CTNNA3: variants seen among roughly 807,000 people sequenced by gnomAD.
CTNNA3 encodes catenin alpha 3.
Under a neutral mutation model 95.7 loss-of-function variants are expected in CTNNA3, and 76 were observed. The ratio of observed to expected loss-of-function variants is 0.79; its 90% confidence interval spans 0.66 to 0.96. The LOEUF (loss-of-function observed/expected upper bound fraction) is 0.96, where lower values mean the gene tolerates loss of function less well. CTNNA3 is among the 40% of genes least tolerant of loss of function. CTNNA3 has a pLI of 0.00. For missense variants in CTNNA3, 1,191 were observed against 1,089.8 expected (o/e 1.09, Z -1.31); for synonymous variants, 431 against 374.4 (o/e 1.15, Z -1.74).
intron 9 of CTNNA3, among the ~76,000 whole-genome samples, chr10:66,706,330 A>T (rs183695228): frequency 8.2e-4 from 121 of 147,936 alleles, no homozygotes; most frequent in Non-Finnish European, 1.3e-3. Context: ...CAATTAATCT[A>T]CTCATTGTTG....
intron 10 of CTNNA3, among the ~76,000 whole-genome samples, chr10:66,603,892 G>C (rs1287185085): frequency 6.6e-6 from 1 of 152,040 alleles, no homozygotes; most frequent in East Asian, 1.9e-4. Flanking sequence ...AAGAATAAGA[G>C]TAGATTCCCA....
chr10:66,656,679 G>GGGTCTTTTTGT (rs1846083527), intron 9 of CTNNA3, among the ~76,000 whole-genome samples: 1 of 151,966 alleles, frequency 6.6e-6, no homozygotes, highest in African/African-American at 2.4e-5. Context: ...GAAGCACTTG[G>GGGTCTTTTTGT]ATCCATGTCA....
At chr10:66,346,234 TATATATATATATAGAG>T (rs1248896790) in intron 12 of CTNNA3, among the ~76,000 whole-genome samples, 962 of 45,878 alleles carry the variant, frequency 0.021, 4 homozygotes, top group East Asian at 0.045. Flanking sequence ...TATATATATA[TATATATATATATAGAG>T]AGAGAGAGAG....
At chr10:66,665,734 C>T (rs1287098016) in intron 9 of CTNNA3, among the ~76,000 whole-genome samples, 2 of 152,168 alleles carry the variant, frequency 1.3e-5, no homozygotes, top group Non-Finnish European at 2.9e-5. Flanking sequence ...ATGACAGTGT[C>T]AGAAATTCCT....
chr10:66,379,035 G>C lies in CTNNA3; in HGVS notation c.1732+117C>G, dbSNP rs531154374. ...AACCAAAGTGTGCAAGCACTGTATA[G>C]CAATGTATGTCAAAAGAAGCAACAC... On this transcript the variant is annotated intron_variant, in intron 12 of 17. Coordinates refer to ENST00000433211, the MANE Select transcript of CTNNA3 (RefSeq NM_013266.4). 2.0e-4 allele frequency: 164 copies of C among 822,786 alleles called. 2 individuals are homozygous for C. The African/African-American group carries it at 2.6e-3, about 13-fold the overall frequency. 51.0% of individuals were successfully genotyped at this position (822,786 alleles called of 1,614,324 possible).
At chr10:66,194,639 T>C (rs528614465) in intron 13 of CTNNA3, among the ~76,000 whole-genome samples, 1 of 152,102 alleles carries the variant, frequency 6.6e-6, no homozygotes, top group African/African-American at 2.4e-5. Flanking sequence ...AATTTACACA[T>C]TACAAGAATT....
At chr10:67,673,829 T>A (rs1840487434) in intron 1 of CTNNA3, among the ~76,000 whole-genome samples, 1 of 140,668 alleles carries the variant, frequency 7.1e-6, no homozygotes, top group African/African-American at 2.6e-5. Context: ...ACCTCTAGAC[T>A]TCTTGTTATG....
chr10:66,365,140 G>A lies in CTNNA3; in HGVS notation c.1732+14012C>T, dbSNP rs75673194. Among the ~76,000 whole-genome samples, 512 of 151,846 alleles carry A rather than the reference G, an allele frequency of 3.4e-3. 19 individuals are homozygous for A. The East Asian group carries it at 0.08, about 24-fold the overall frequency. ...GTAGTCTCTCGGAACCAACCCAAAT[G>A]TCCATCAATGATAGATTGGATTAAG... On this transcript the variant is annotated intron_variant, in intron 12 of 17. Transcript: ENST00000433211.
intron 11 of CTNNA3, among the ~76,000 whole-genome samples, chr10:66,499,125 T>TC (rs1391169918): frequency 6.6e-6 from 1 of 152,150 alleles, no homozygotes; most frequent in Non-Finnish European, 1.5e-5. Flanking sequence ...TTTGCTTGTT[T>TC]CCCCCTACCC....
chr10:66,518,801 A>T (rs898208117), intron 11 of CTNNA3, among the ~76,000 whole-genome samples: 1 of 152,062 alleles, frequency 6.6e-6, no homozygotes, highest in South Asian at 2.1e-4. Flanking sequence ...GAGTAGTGGA[A>T]TCAAAGGCCA....
At chr10:66,348,086 A>C (rs1363031179) in intron 12 of CTNNA3, among the ~76,000 whole-genome samples, 6 of 152,116 alleles carry the variant, frequency 3.9e-5, no homozygotes, top group Non-Finnish European at 7.4e-5. Context: ...TAAGAATACC[A>C]AATCATGAAA....
chr10:67,406,968 C>T (rs2132824500), intron 5 of CTNNA3, among the ~76,000 whole-genome samples: 1 of 152,250 alleles, frequency 6.6e-6, no homozygotes, highest in East Asian at 1.9e-4. Context: ...GATGGATTCA[C>T]CGCTTAACTC....
At chr10:65,931,671 TAA>T (rs1306989625) in intron 17 of CTNNA3, among the ~76,000 whole-genome samples, 1 of 152,206 alleles carries the variant, frequency 6.6e-6, no homozygotes, top group Non-Finnish European at 1.5e-5. Flanking sequence ...CGGGAAATAT[TAA>T]AGAGTTCTGT....
chr10:66,733,635 C>A (rs1306258868), intron 9 of CTNNA3, among the ~76,000 whole-genome samples: 2 of 151,656 alleles, frequency 1.3e-5, no homozygotes, highest in Non-Finnish European at 2.9e-5. Context: ...GCTTACTTAA[C>A]CTCACTCAGG....
intron 5 of CTNNA3, among the ~76,000 whole-genome samples, chr10:67,473,157 A>G (rs1271078184): frequency 6.6e-6 from 1 of 152,252 alleles, no homozygotes; most frequent in African/African-American, 2.4e-5. Context: ...CTATTATTAC[A>G]TGATGAAATG....
intron 13 of CTNNA3, among the ~76,000 whole-genome samples, chr10:66,214,312 G>T (rs182624207): frequency 6.6e-6 from 1 of 152,228 alleles, no homozygotes. Flanking sequence ...CAAGCAGAGG[G>T]TTACATCTCC....
At chr10:67,628,617 CA>C (rs1839036078) in intron 2 of CTNNA3, among the ~76,000 whole-genome samples, 1 of 152,064 alleles carries the variant, frequency 6.6e-6, no homozygotes, top group Admixed American at 6.5e-5. Context: ...TGTCAAATAA[CA>C]AATAATGTTT....
intron 12 of CTNNA3, among the ~76,000 whole-genome samples, chr10:66,307,323 T>C (rs989176319): frequency 9.9e-5 from 15 of 152,204 alleles, no homozygotes; most frequent in African/African-American, 2.4e-4. Context: ...TTTATCATTA[T>C]AGTATCTGGA....
chr10:67,128,574 T>G (rs752365225), intron 7 of CTNNA3, among the ~76,000 whole-genome samples: 4 of 152,186 alleles, frequency 2.6e-5, no homozygotes, highest in Non-Finnish European at 5.9e-5. Context: ...TATTTTCCTT[T>G]TGTTCCTTTA....
Sources: allele counts gnomAD v4.1 joint callset (sites outside exome capture counted in the v4.1 genomes callset), GRCh38; gene constraint gnomAD v4.1.1; transcripts MANE v1.5; gene names NCBI Gene and HGNC (gene_info 2026-07-23, HGNC 2026-07-21).